OXR1: variants seen among roughly 807,000 people sequenced by gnomAD.
OXR1 encodes the protein oxidation resistance 1, also known as oxidation resistance protein 1.
OXR1 carries 41 observed loss-of-function variants against 104.6 expected under a neutral mutation model. That is an observed-to-expected ratio of 0.39 (90% confidence interval 0.31 to 0.51). The LOEUF (loss-of-function observed/expected upper bound fraction) is 0.51. Ranked by LOEUF, OXR1 falls within the 20% of genes least tolerant of loss-of-function variation. The pLI, the probability that OXR1 is intolerant of heterozygous loss-of-function variation, is 0.77. For missense variants in OXR1, 955 were observed against 1,031.9 expected, an observed-to-expected ratio of 0.93 and a Z score of 1.02; for synonymous variants, 348 against 348.4, an observed-to-expected ratio of 1.00 and a Z score of 0.01.
intron 11 of OXR1, among the ~76,000 whole-genome samples, 175 bp downstream of exon 11, chr8:106,714,160 A>G (rs1450501718): frequency 6.6e-6 from 1 of 152,000 alleles, no homozygotes; most frequent in Admixed American, 6.6e-5. Context: ...TGACTTTAAT[A>G]CTATATTTGT....
chr8:106,325,634 G>GT (rs1416452823), intron 1 of OXR1, among the ~76,000 whole-genome samples: 2 of 152,064 alleles, frequency 1.3e-5, no homozygotes, highest in African/African-American at 4.8e-5. Context: ...TACCACTCTT[G>GT]TTTTTAGTAC....
intron 1 of OXR1, among the ~76,000 whole-genome samples, chr8:106,346,465 G>T (rs984697401): frequency 6.6e-6 from 1 of 152,066 alleles, no homozygotes; most frequent in Non-Finnish European, 1.5e-5. Flanking sequence ...ATTTTTTAGG[G>T]GTATAGAATC....
chr8:106,443,354 C>T (rs562874717), intron 2 of OXR1, among the ~76,000 whole-genome samples: 63 of 151,956 alleles, frequency 4.1e-4, no homozygotes, highest in African/African-American at 1.4e-3. Flanking sequence ...AGAATAAGTG[C>T]CATGTGGTGC....
intron 1 of OXR1, among the ~76,000 whole-genome samples, chr8:106,300,973 T>G (rs1463955955): frequency 6.6e-6 from 1 of 152,218 alleles, no homozygotes; most frequent in Non-Finnish European, 1.5e-5. Context: ...ATGGATAGTT[T>G]GGGTTTAGAA....
In OXR1 at chr8:106,655,462, G is replaced by T. The variant is rs796765985; in HGVS notation, c.221-23748G>T. 2.6e-5 allele frequency among the ~76,000 whole-genome samples: 4 copies of T among 151,792 alleles called. No homozygotes were observed. In the South Asian group the frequency reaches 8.3e-4, roughly 32 times the overall value. Reference sequence around the variant, plus strand: ...AGGAACAGAGAGGAATAATAAAGCTGGCAAGTCACAGACAACATAATTAGA... The same window carrying T: ...AGGAACAGAGAGGAATAATAAAGCTTGCAAGTCACAGACAACATAATTAGA... On this transcript the variant is annotated intron_variant, in intron 3 of 16. Transcript: ENST00000517566.
chr8:106,554,648 A>C (rs1167613407), intron 3 of OXR1, among the ~76,000 whole-genome samples: 1 of 152,170 alleles, frequency 6.6e-6, no homozygotes, highest in African/African-American at 2.4e-5. Context: ...ATTATTTTTA[A>C]ATAGAAACTT....
Position 106,716,397 on chromosome 8 carries a change from G to T in OXR1, c.1956+2412G>T, listed in dbSNP as rs1832255431. On this transcript the variant is annotated intron_variant, in intron 11 of 16. Transcript: ENST00000517566. ...CCCAGCACTTTGGGAGGCCGAGGCG[G>T]GTGGATCATGAGGTCAGGAGATCGA... 1.1e-4 allele frequency among the ~76,000 whole-genome samples: 3 copies of T among 26,714 alleles called. 1 individual carries two copies. In the South Asian group the frequency reaches 2.8e-3, roughly 25 times the overall value. 17.5% of individuals were successfully genotyped at this position (26,714 alleles called of 152,430 possible). A position where few individuals can be genotyped will look rare whatever the true frequency, so the allele number is the denominator to read the frequency against.
At chr8:106,459,238 T>C (rs1820775242) in intron 2 of OXR1, among the ~76,000 whole-genome samples, 1 of 152,048 alleles carries the variant, frequency 6.6e-6, no homozygotes, top group African/African-American at 2.4e-5. Flanking sequence ...GAATTAATGC[T>C]GTTATTGGGG....
chr8:106,512,946 A>C (rs1390812173), intron 2 of OXR1, among the ~76,000 whole-genome samples: 1 of 152,188 alleles, frequency 6.6e-6, no homozygotes, highest in African/African-American at 2.4e-5. Context: ...CACAGTGAGC[A>C]GTATAAAGCC....
intron 3 of OXR1, among the ~76,000 whole-genome samples, chr8:106,595,834 A>G (rs1819488654): frequency 6.6e-6 from 1 of 152,170 alleles, no homozygotes; most frequent in Non-Finnish European, 1.5e-5. Context: ...AATTCAGTAC[A>G]CATTTGAGTA....
At chr8:106,279,851 G>C (rs1812205892) in intron 1 of OXR1, among the ~76,000 whole-genome samples, 1 of 152,226 alleles carries the variant, frequency 6.6e-6, no homozygotes, top group Non-Finnish European at 1.5e-5. Context: ...CCATTGGATG[G>C]TTATGGAGGA....
intron 1 of OXR1, among the ~76,000 whole-genome samples, chr8:106,279,877 G>A (rs868076965): frequency 2.6e-5 from 4 of 152,216 alleles, no homozygotes; most frequent in African/African-American, 9.6e-5. Flanking sequence ...TGGAATTGAA[G>A]GAAATTCTGA....
chr8:106,695,502 C>G (rs1385216586), intron 7 of OXR1, among the ~76,000 whole-genome samples: 1 of 151,736 alleles, frequency 6.6e-6, no homozygotes, highest in South Asian at 2.1e-4. Context: ...ACTGCAACTT[C>G]CGCCTCCCAG....
intron 3 of OXR1, among the ~76,000 whole-genome samples, chr8:106,523,437 C>T (rs1046843421): frequency 2.0e-5 from 3 of 152,164 alleles, no homozygotes; most frequent in African/African-American, 7.2e-5. Context: ...GATATATACA[C>T]ATGCAAATAC....
intron 2 of OXR1, among the ~76,000 whole-genome samples, chr8:106,368,798 C>A (rs145779238): frequency 6.6e-6 from 1 of 152,250 alleles, no homozygotes; most frequent in Admixed American, 6.5e-5. Context: ...ATCCAGTCTG[C>A]AGTTGATCGG....
At chr8:106,677,767 G>T (rs1051922804) in intron 3 of OXR1, among the ~76,000 whole-genome samples, 1 of 152,130 alleles carries the variant, frequency 6.6e-6, no homozygotes, top group Non-Finnish European at 1.5e-5. Context: ...ACGCGTGTGT[G>T]TGTGTGTGTA....
At chr8:106,339,803 G>T (rs892806897) in intron 1 of OXR1, among the ~76,000 whole-genome samples, 1 of 151,642 alleles carries the variant, frequency 6.6e-6, no homozygotes, top group South Asian at 2.1e-4. Flanking sequence ...TCTGAAGAAG[G>T]TACTACTGCT....
intron 2 of OXR1, among the ~76,000 whole-genome samples, chr8:106,442,667 T>G (rs1819839574): frequency 6.6e-6 from 1 of 152,228 alleles, no homozygotes; most frequent in African/African-American, 2.4e-5. Context: ...GTCCAGGAAT[T>G]TATCCATTTC....
chr8:106,549,003 T>C (rs932880022), intron 3 of OXR1, among the ~76,000 whole-genome samples: 2 of 152,172 alleles, frequency 1.3e-5, no homozygotes, highest in South Asian at 4.2e-4. Context: ...ATGAATATAT[T>C]AAAGTGGCAT....
Sources: gnomAD v4.1 joint callset for allele counts (sites outside exome capture counted in the v4.1 genomes callset) on GRCh38, gnomAD v4.1.1 for gene constraint, MANE v1.5 for transcripts, NCBI Gene and HGNC (gene_info 2026-07-23, HGNC 2026-07-21) for gene names.